The following TBC1D8 variants were observed in gnomAD, a reference collection of about 807,000 sequenced individuals.
TBC1D8 encodes the protein TBC1 domain family member 8.
Under a neutral mutation model 118.8 loss-of-function variants are expected in TBC1D8, and 65 were observed. The ratio of observed to expected loss-of-function variants is 0.55; its 90% CI spans 0.45 to 0.67. TBC1D8 has a LOEUF of 0.67. Ranked by LOEUF, TBC1D8 falls within the 30% of genes least tolerant of loss-of-function variation. The pLI, the probability that TBC1D8 is intolerant of heterozygous loss-of-function variation, is 0.00. For synonymous variants in TBC1D8, 566 were observed against 595.8 expected (o/e 0.95, Z 0.73); for missense variants, 1,376 against 1,471.2 (o/e 0.94, Z 1.06).
intron 2 of TBC1D8, among the ~76,000 whole-genome samples, chr2:101,081,384 G>A (rs763814821): frequency 8.5e-5 from 13 of 152,078 alleles, no homozygotes; most frequent in Non-Finnish European, 1.8e-4. Context: ...TTTCACTCAA[G>A]ACCATGGGAC....
chr2:101,091,489 T>A (rs938210610), intron 1 of TBC1D8, among the ~76,000 whole-genome samples: 2 of 151,064 alleles, frequency 1.3e-5, no homozygotes, highest in African/African-American at 2.4e-5. Context: ...ACTTTGAGAG[T>A]CCAAGGCAGA....
intron 1 of TBC1D8, among the ~76,000 whole-genome samples, chr2:101,142,183 T>C (rs1215178838): frequency 1.3e-5 from 2 of 152,114 alleles, no homozygotes; most frequent in Non-Finnish European, 2.9e-5. Flanking sequence ...ATTATAGGCA[T>C]GCACCACCAT....
intron 7 of TBC1D8, among the ~76,000 whole-genome samples, chr2:101,037,932 G>A (rs572069126): frequency 1.2e-4 from 18 of 152,186 alleles, no homozygotes; most frequent in African/African-American, 3.6e-4. Flanking sequence ...ACCTGGGTCC[G>A]TATCTGGGTC....
At position 101,125,105 on chromosome 2, in the gene TBC1D8, C is replaced by G. The variant is rs942045555; in HGVS notation, c.127+26022G>C. 2.6e-5 allele frequency among the ~76,000 whole-genome samples: 4 copies of G among 152,178 alleles called. No individual in the cohort carries two copies. The East Asian group carries it at 5.8e-4, about 22-fold the overall frequency. On this transcript the variant is annotated intron_variant, in intron 1 of 19. Coordinates refer to ENST00000409318, the MANE Select transcript of TBC1D8 (RefSeq NM_001330348.2). Reference sequence around the variant, plus strand: ...CTCCCATGACAAATGCATTCATCATCCAAACAATCAAGCAGCCTCCGGCCA... The same window carrying G: ...CTCCCATGACAAATGCATTCATCATGCAAACAATCAAGCAGCCTCCGGCCA...
At chr2:101,103,318 TTA>T (rs1558704835) in intron 1 of TBC1D8, among the ~76,000 whole-genome samples, 1 of 126,838 alleles carries the variant, frequency 7.9e-6, no homozygotes, top group Non-Finnish European at 1.7e-5. Flanking sequence ...ATTCATGATT[TTA>T]AAAAAAAAAA....
At position 101,032,338 on chromosome 2, in the gene TBC1D8, C is replaced by T. The variant is rs1371866822; in HGVS notation, c.1866G>A (p.Glu622=). Residue 622 remains glutamate, a synonymous_variant, in exon 11 of 20, where the codon GAG becomes GAA. Transcript: ENST00000409318. ...TSVLLLYTKE[E]EAFWLLVAVC... is the part of the protein sequence containing the mutation. ...CAGCAACCAACAGCCAGAAGGCTTC[C>T]TCCTCCTTGGTGTACAGCAGCAGCA... is the stretch of plus-strand genomic sequence containing the variant. 6.2e-7 allele frequency: 1 copy of T among 1,613,718 alleles called. No individual in the cohort carries two copies. The highest frequency in any genetic ancestry group is 8.5e-7 in the Non-Finnish European group (1 of 1,179,788).
At chr2:101,032,189 C>T in intron 11 of TBC1D8, 79 bp downstream of exon 11, 1 of 1,330,110 alleles carries the variant, frequency 7.5e-7, no homozygotes, top group Non-Finnish European at 1.1e-6. Flanking sequence ...ATTTTATAAA[C>T]AGGACTGATG....
chr2:101,035,882 A>G, intron 9 of TBC1D8, 136 bp downstream of exon 9: 1 of 1,077,130 alleles, frequency 9.3e-7, no homozygotes, highest in East Asian at 2.6e-5. Flanking sequence ...GGAAGTCCTC[A>G]GCTGGGAAAT....
At chr2:101,096,815 G>GAGAGAC (rs1404737767) in intron 1 of TBC1D8, among the ~76,000 whole-genome samples, 1 of 151,114 alleles carries the variant, frequency 6.6e-6, no homozygotes, top group African/African-American at 2.4e-5. Context: ...GAGAGAGAGA[G>GAGAGAC]AGAGACAGCA....
At chr2:101,140,958 C>T (rs888333095) in intron 1 of TBC1D8, among the ~76,000 whole-genome samples, 1 of 152,030 alleles carries the variant, frequency 6.6e-6, no homozygotes. Flanking sequence ...GACGGGGTTT[C>T]ACCACGTTGG....
At chr2:101,040,058 C>G in intron 6 of TBC1D8, 120 bp downstream of exon 6, 1 of 1,177,954 alleles carries the variant, frequency 8.5e-7, no homozygotes, top group South Asian at 1.4e-5. Flanking sequence ...AGTCATCCAT[C>G]TTTAGATGGC....
chr2:101,094,553 G>A (rs992973108), intron 1 of TBC1D8, among the ~76,000 whole-genome samples: 1 of 152,116 alleles, frequency 6.6e-6, no homozygotes, highest in South Asian at 2.1e-4. Flanking sequence ...GAGGGACTTT[G>A]GACAACATCA....
chr2:101,033,438 G>T, intron 10 of TBC1D8, 106 bp downstream of exon 10: 1 of 1,390,522 alleles, frequency 7.2e-7, no homozygotes, highest in South Asian at 1.2e-5. Flanking sequence ...GCCTTCACAC[G>T]ACAACACTCA....
chr2:101,059,211 CTTTTTTTTT>C (rs142846099), intron 3 of TBC1D8, among the ~76,000 whole-genome samples: 1 of 140,332 alleles, frequency 7.1e-6, no homozygotes, highest in Non-Finnish European at 1.5e-5. Context: ...CCAGCCAAGT[CTTTTTTTTT>C]TTTTTTTTTT....
intron 2 of TBC1D8, among the ~76,000 whole-genome samples, chr2:101,072,690 G>C (rs1674530927): frequency 6.6e-6 from 1 of 152,192 alleles, no homozygotes; most frequent in South Asian, 2.1e-4. Flanking sequence ...ACTCCTATGA[G>C]AGTCTAATGC....
chr2:101,073,155 A>C (rs979272445), intron 2 of TBC1D8, among the ~76,000 whole-genome samples: 11 of 150,760 alleles, frequency 7.3e-5, no homozygotes, highest in African/African-American at 2.7e-4. Context: ...CCCCTATATC[A>C]AGAGGAGCTT....
intron 1 of TBC1D8, among the ~76,000 whole-genome samples, chr2:101,111,893 T>C (rs1486344013): frequency 1.4e-5 from 2 of 145,308 alleles, no homozygotes; most frequent in African/African-American, 2.6e-5. Flanking sequence ...AATGGTCAAA[T>C]GTTGTGTACT....
chr2:101,027,412 C>A lies in TBC1D8; in HGVS notation c.2491G>T (p.Asp831Tyr), dbSNP rs1680401315. Residue 831 changes from aspartate (D) to tyrosine (Y), a missense_variant, in exon 15 of 20, where the codon GAC becomes TAC. Coordinates refer to ENST00000409318, the MANE Select transcript of TBC1D8 (RefSeq NM_001330348.2). ...VIPEVSILPE[D>Y]LEELYDLFKR... is the part of the protein sequence containing the mutation. ...AATAAGTCGTAGAGCTCCTCTAGGT[C>A]TTCAGGAAGAATTGAGACTTCCGGG... 6.2e-7 allele frequency: 1 copy of A among 1,613,202 alleles called. No homozygotes were observed. Among genetic ancestry groups the A allele is most frequent in the East Asian group, 2.2e-5 (1 of 44,850 alleles).
chr2:101,076,434 G>A (rs529560593), intron 2 of TBC1D8, among the ~76,000 whole-genome samples: 9 of 152,176 alleles, frequency 5.9e-5, no homozygotes, highest in African/African-American at 1.2e-4. Flanking sequence ...CTGAGAGAAC[G>A]CAAAATAAAA....
Sources: allele counts gnomAD v4.1 joint callset (sites outside exome capture counted in the v4.1 genomes callset), GRCh38; gene constraint gnomAD v4.1.1; transcripts MANE v1.5; gene names NCBI Gene and HGNC (gene_info 2026-07-23, HGNC 2026-07-21).